LRRC9: variants seen among roughly 807,000 people sequenced by gnomAD.
LRRC9 encodes leucine-rich repeat-containing protein 9.
In LRRC9, 122 loss-of-function variants were observed where a neutral mutation model predicts 63.2. The observed-to-expected ratio is 1.93, with a 90% CI of 1.67 to 2.24. The LOEUF (loss-of-function observed/expected upper bound fraction) is 2.24, where lower values mean the gene tolerates loss of function less well. Ranked by LOEUF, LRRC9 falls within the 30% of genes most tolerant of loss-of-function variation. The pLI is 0.00. For synonymous variants in LRRC9, 366 were observed against 213.1 expected, an observed-to-expected ratio of 1.72 and a Z score of -6.25; for missense variants, 1,071 against 627.7, an observed-to-expected ratio of 1.71 and a Z score of -7.55.
chr14:59,990,782 T>C lies in LRRC9; in HGVS notation c.2211+5558T>C, dbSNP rs1024718924. On this transcript the variant is annotated intron_variant, in intron 17 of 31. Coordinates refer to ENST00000445360, the Ensembl canonical transcript of LRRC9. The surrounding 1 kb of genome is among the most constrained non-coding windows in gnomAD (Gnocchi z 4.2). ...AGAACAAAACTCCTCCCTATTTCAA[T>C]TGCTGTAAATTGGTCTCCACACATT... Among the ~76,000 whole-genome samples, 2 of 152,212 alleles carry C rather than the reference T, an allele frequency of 1.3e-5. No individual in the cohort carries two copies. The highest frequency in any genetic ancestry group is 2.9e-5 in the Non-Finnish European group (2 of 68,048).
intron 4 of LRRC9, among the ~76,000 whole-genome samples, chr14:59,931,411 C>T (rs865786496): frequency 1.3e-5 from 2 of 151,958 alleles, no homozygotes; most frequent in Admixed American, 6.6e-5. Context: ...CTCTCTACTC[C>T]GCTTCCTGTT....
rs1326499318 is a variant in LRRC9 at position 60,042,115 on chromosome 14, C to A, written c.3990+10052C>A. On this transcript the variant is annotated intron_variant, in intron 29 of 31. Transcript: ENST00000445360. The surrounding 1 kb of genome is among the most constrained non-coding windows in gnomAD (Gnocchi z 4.2). ...TGCTTGATCCTTCCTCTGGAACCTTCGTCTCAGAGGGGCACCCAGCTGTAT... is the reference window on the plus strand; with the variant it reads ...TGCTTGATCCTTCCTCTGGAACCTTAGTCTCAGAGGGGCACCCAGCTGTAT... Among the ~76,000 whole-genome samples, 1 of 152,174 alleles carries A rather than the reference C, an allele frequency of 6.6e-6. No homozygotes were observed. Among genetic ancestry groups the A allele is most frequent in the Non-Finnish European group, 1.5e-5 (1 of 68,032 alleles).
intron 31 of LRRC9, chr14:60,059,173 G>A (rs964578391): frequency 6.6e-6 from 1 of 151,982 alleles, no homozygotes; most frequent in African/African-American, 2.4e-5. Context: ...CAGATATTGA[G>A]TTTTTTACAA....
At chr14:59,931,980 GACTCCA>G (rs1454141543) in exon 6 of LRRC9, 4 of 700,082 alleles carry the variant, frequency 5.7e-6, no homozygotes, top group Non-Finnish European at 1.0e-5. Flanking sequence ...TCGATGTCTT[GACTCCA>G]ATGAACAACT....
At chr14:60,036,457 C>G (rs1054421248) in intron 29 of LRRC9, among the ~76,000 whole-genome samples, 2 of 152,136 alleles carry the variant, frequency 1.3e-5, no homozygotes, top group Admixed American at 1.3e-4. Context: ...ACCAGAGAAG[C>G]CAAAGGGCAT....
At position 59,967,220 on chromosome 14, in the gene LRRC9, TA is replaced by T. The variant is rs1373742022; in HGVS notation, c.1506+11del. The T allele has an allele frequency of 5.0e-6, 3 of 594,522 alleles. No individual in the cohort carries two copies. The highest frequency in any genetic ancestry group is 2.0e-5 in the South Asian group (1 of 49,564). The allele number at this position is 594,522 out of a possible 1,614,324, so 36.8% of individuals were successfully genotyped here. A position where few individuals can be genotyped will look rare whatever the true frequency, so the allele number is the denominator to read the frequency against. ...AGACAGTGAAACAAGCAAGGTAGCA[TA>T]AAATGTCATTTAGAATAATGCTTTC... On this transcript the variant is annotated splice_region_variant and intron_variant, in intron 12 of 31. Transcript: ENST00000445360.
chr14:59,947,857 A>G (rs950390206), intron 8 of LRRC9, among the ~76,000 whole-genome samples: 1 of 151,282 alleles, frequency 6.6e-6, no homozygotes, highest in African/African-American at 2.4e-5. Context: ...GTTCTGTTCC[A>G]TTGATCTATG....
exon 12 of LRRC9, chr14:59,967,162 G>T (rs745819140): frequency 3.1e-6 from 2 of 644,178 alleles, no homozygotes; most frequent in African/African-American, 1.8e-5. Flanking sequence ...TGAAGAAAAA[G>T]CATCTTCTAC....
intron 8 of LRRC9, among the ~76,000 whole-genome samples, chr14:59,957,510 T>A (rs1883892590): frequency 6.6e-6 from 1 of 152,152 alleles, no homozygotes; most frequent in Non-Finnish European, 1.5e-5. Context: ...AAACTGGTTA[T>A]TCTAGTTAGC....
At chr14:60,008,203 G>A (rs1203581390) in exon 23 of LRRC9, 2 of 699,322 alleles carry the variant, frequency 2.9e-6, no homozygotes, top group Admixed American at 4.0e-5. Context: ...AGCTTTGGAT[G>A]GGATACCAAT....
At chr14:59,957,886 C>T (rs113853523) in intron 8 of LRRC9, among the ~76,000 whole-genome samples, 46 of 152,310 alleles carry the variant, frequency 3.0e-4, no homozygotes, top group African/African-American at 1.1e-3. Context: ...ACAGGCCCCT[C>T]TTCTGCAGGT....
chr14:59,978,137 G>T lies in LRRC9; in HGVS notation c.1878+5G>T, dbSNP rs1566837872. 1 of 700,994 alleles carries T rather than the reference G, an allele frequency of 1.4e-6. No homozygotes were observed. The highest frequency in any genetic ancestry group is 2.0e-5 in the Admixed American group (1 of 49,848). 43.4% of individuals were successfully genotyped at this position (700,994 alleles called of 1,614,324 possible). On this transcript the variant is annotated splice_donor_5th_base_variant and intron_variant, in intron 15 of 31. Coordinates refer to ENST00000445360, the Ensembl canonical transcript of LRRC9. The stretch of plus-strand genomic sequence containing the variant: ...GAATTTGAGTATATTACAATGGTAT[G>T]AATTGTTACATATTCTTAAAGACTA...
At position 59,966,319 on chromosome 14, in the gene LRRC9, A is replaced by G. The variant is rs1884852632; in HGVS notation, c.1212-270A>G. Among the ~76,000 whole-genome samples the G allele has an allele frequency of 6.6e-6, 1 of 152,230 alleles. No homozygotes were observed. The highest frequency in any genetic ancestry group is 1.5e-5 in the Non-Finnish European group (1 of 68,048). ...GAAGACCCAGCAAGAAAACTATGAA[A>G]GAGCAGCCAATAAGAGGAAGGCGTA... On this transcript the variant is annotated intron_variant, in intron 10 of 31. Coordinates refer to ENST00000445360, the Ensembl canonical transcript of LRRC9. This position sits in a 1 kb window ranked among gnomAD's most constrained non-coding sequence, Gnocchi z 4.0.
rs1385495546 is a variant in LRRC9, at chr14:59,922,930, G to A, written c.-34+3047G>A. Among the ~76,000 whole-genome samples, 1 of 152,230 alleles carries A rather than the reference G, an allele frequency of 6.6e-6. No individual in the cohort carries two copies. Among genetic ancestry groups the A allele is most frequent in the African/African-American group, 2.4e-5 (1 of 41,454 alleles). ...CATGCTGGTTAGGTGAAATTTTCCA[G>A]TAGCAATCCAAAGTGGAAAGATTAA... On this transcript the variant is annotated intron_variant, in intron 1 of 31. Coordinates refer to ENST00000445360, the Ensembl canonical transcript of LRRC9. This position sits in a 1 kb window ranked among gnomAD's most constrained non-coding sequence, Gnocchi z 5.3.
At chr14:59,946,285 CATT>C (rs1229195481) in intron 8 of LRRC9, among the ~76,000 whole-genome samples, 2 of 150,046 alleles carry the variant, frequency 1.3e-5, no homozygotes, top group South Asian at 2.1e-4. Flanking sequence ...TAAAGTAAAA[CATT>C]AATAAAATTT....
At chr14:59,953,618 C>T (rs1883406802) in intron 8 of LRRC9, among the ~76,000 whole-genome samples, 1 of 152,168 alleles carries the variant, frequency 6.6e-6, no homozygotes, top group South Asian at 2.1e-4. Context: ...GTGGCCTGTT[C>T]AATCTGATGA....
downstream of LRRC9, among the ~76,000 whole-genome samples, chr14:60,065,409 C>T (rs1419138132): frequency 1.3e-5 from 2 of 150,450 alleles, no homozygotes; most frequent in Non-Finnish European, 3.0e-5. Context: ...GAACTTTAGG[C>T]GGCCAAGGTG....
At chr14:59,993,216 T>A (rs1888357008) in intron 17 of LRRC9, among the ~76,000 whole-genome samples, 1 of 152,108 alleles carries the variant, frequency 6.6e-6, no homozygotes, top group African/African-American at 2.4e-5. Flanking sequence ...AAACTAAGCT[T>A]CATAAGTGAA....
At chr14:59,985,839 G>A (rs1208942829) in intron 17 of LRRC9, among the ~76,000 whole-genome samples, 3 of 152,020 alleles carry the variant, frequency 2.0e-5, no homozygotes, top group Non-Finnish European at 2.9e-5. Context: ...GACCAAATCC[G>A]TACCAGTGGT....
Sources: allele counts gnomAD v4.1 joint callset (sites outside exome capture counted in the v4.1 genomes callset), GRCh38; gene constraint gnomAD v4.1.1; non-coding constraint Gnocchi (gnomAD v3.1); transcripts MANE v1.5; gene names NCBI Gene and HGNC (gene_info 2026-07-23, HGNC 2026-07-21).